Variants in NFIA observed in about 807,000 individuals in gnomAD.
NFIA encodes nuclear factor I A.
Under a neutral mutation model 62.8 loss-of-function variants are expected in NFIA, and 8 were observed. That is an observed-to-expected ratio of 0.13 (90% confidence interval 0.07 to 0.23). NFIA has a LOEUF of 0.23. NFIA is among the 10% of genes least tolerant of loss of function. NFIA has a pLI of 1.00. For synonymous variants in NFIA, 235 were observed against 238.1 expected, an observed-to-expected ratio of 0.99 and a Z score of 0.12; for missense variants, 410 against 642.1, an observed-to-expected ratio of 0.64 and a Z score of 3.91.
At chr1:61,363,736 A>G (rs1247871411) in intron 6 of NFIA, among the ~76,000 whole-genome samples, 3 of 152,186 alleles carry the variant, frequency 2.0e-5, no homozygotes, top group Admixed American at 6.5e-5. Flanking sequence ...TTAAATATAC[A>G]TAGGACACAA....
At chr1:61,292,339 G>C (rs2806428) in intron 3 of NFIA, among the ~76,000 whole-genome samples, 120,021 of 152,082 alleles carry the variant, frequency 0.79, 47,513 homozygotes, top group East Asian at 0.91. Context: ...TGAATGAATG[G>C]GTAAATGAAT....
chr1:61,206,016 A>T (rs1652875583), intron 2 of NFIA, among the ~76,000 whole-genome samples: 1 of 149,672 alleles, frequency 6.7e-6, no homozygotes, highest in Non-Finnish European at 1.5e-5. Context: ...CCCTGGCTCA[A>T]CTGATCCTCC....
chr1:61,312,690 A>G (rs750579003), intron 3 of NFIA, among the ~76,000 whole-genome samples: 1 of 151,206 alleles, frequency 6.6e-6, no homozygotes, highest in Non-Finnish European at 1.5e-5. Flanking sequence ...TTATTTTTTT[A>G]TTTTTTAGAG....
chr1:61,280,811 C>G (rs1307168050), intron 3 of NFIA, among the ~76,000 whole-genome samples: 1 of 152,164 alleles, frequency 6.6e-6, no homozygotes, highest in Non-Finnish European at 1.5e-5. Context: ...ATCAGAAGCT[C>G]TGAAACTCAA....
intron 7 of NFIA, among the ~76,000 whole-genome samples, chr1:61,387,237 CTCATCTCTAAGTTAGAGATTA>C (rs373647313): frequency 1.9e-4 from 29 of 152,076 alleles, no homozygotes; most frequent in African/African-American, 5.1e-4. Flanking sequence ...CCAAAGGTTT[CTCATCTCTAAGTTAGAGATTA>C]TCATCTCTAA....
chr1:61,427,988 C>T (rs543917734), intron 10 of NFIA, among the ~76,000 whole-genome samples: 11 of 152,210 alleles, frequency 7.2e-5, no homozygotes, highest in Non-Finnish European at 1.3e-4. Flanking sequence ...GTACATTTGG[C>T]GTAAGTGTCC....
chr1:61,401,596 A>C (rs1665559319), intron 7 of NFIA, among the ~76,000 whole-genome samples: 1 of 152,074 alleles, frequency 6.6e-6, no homozygotes, highest in Admixed American at 6.5e-5. Flanking sequence ...CCGTGATTTC[A>C]TAATCTAACA....
chr1:61,240,371 C>T (rs1164178424), intron 2 of NFIA, among the ~76,000 whole-genome samples: 1 of 151,970 alleles, frequency 6.6e-6, no homozygotes, highest in Non-Finnish European at 1.5e-5. Context: ...AAATAACAGT[C>T]ATTATTTAAT....
chr1:61,357,408 G>A (rs992092976), intron 5 of NFIA, among the ~76,000 whole-genome samples: 3 of 152,202 alleles, frequency 2.0e-5, no homozygotes, highest in African/African-American at 7.2e-5. Flanking sequence ...TGGAAGAAAT[G>A]TATGGAGTTT....
At chr1:61,298,696 C>G (rs1424832658) in intron 3 of NFIA, among the ~76,000 whole-genome samples, 2 of 152,112 alleles carry the variant, frequency 1.3e-5, no homozygotes, top group Admixed American at 6.6e-5. Flanking sequence ...TACTACCTAC[C>G]TCATGGCTGT....
chr1:61,265,768 A>C (rs6684051), intron 2 of NFIA, among the ~76,000 whole-genome samples: 16,936 of 152,264 alleles, frequency 0.11, 1,104 homozygotes, highest in African/African-American at 0.18. Flanking sequence ...GTTTTCTGGA[A>C]GACCCGATGG....
intron 2 of NFIA, among the ~76,000 whole-genome samples, chr1:61,124,198 C>T (rs999872965): frequency 6.6e-6 from 1 of 152,202 alleles, no homozygotes; most frequent in Non-Finnish European, 1.5e-5. Flanking sequence ...CGTTCAGCTT[C>T]TTGGCCTTCA....
intron 2 of NFIA, among the ~76,000 whole-genome samples, chr1:61,103,314 A>G (rs1280332548): frequency 6.6e-6 from 1 of 152,064 alleles, no homozygotes; most frequent in Non-Finnish European, 1.5e-5. Context: ...GTCCTCACCC[A>G]CCTTTACTTG....
At chr1:61,240,466 A>G (rs571227205) in intron 2 of NFIA, among the ~76,000 whole-genome samples, 1 of 152,234 alleles carries the variant, frequency 6.6e-6, no homozygotes, top group African/African-American at 2.4e-5. Context: ...CTATAAGAGT[A>G]GGTTCACAGG....
chr1:61,407,899 T>A (rs1665925682), intron 9 of NFIA, among the ~76,000 whole-genome samples: 1 of 152,160 alleles, frequency 6.6e-6, no homozygotes, highest in South Asian at 2.1e-4. Flanking sequence ...ATGAAGATTC[T>A]AGGCCTCTCA....
intron 10 of NFIA, among the ~76,000 whole-genome samples, chr1:61,442,148 G>A (rs1350878262): frequency 1.3e-5 from 2 of 152,140 alleles, no homozygotes; most frequent in Non-Finnish European, 2.9e-5. Context: ...GACGAGGGAT[G>A]CCAGGCACTG....
At chr1:61,133,870 G>A (rs60479049) in intron 2 of NFIA, among the ~76,000 whole-genome samples, 10,567 of 151,784 alleles carry the variant, frequency 0.07, 876 homozygotes, top group East Asian at 0.35. Flanking sequence ...GGCTGGGTGC[G>A]GTGGCTCACA....
chr1:61,406,977 T>C (rs1665871152), intron 9 of NFIA, among the ~76,000 whole-genome samples: 1 of 152,230 alleles, frequency 6.6e-6, no homozygotes, highest in Non-Finnish European at 1.5e-5. Flanking sequence ...AGTCAAGTTA[T>C]GAGCTATTAC....
chr1:61,334,974 T>C (rs959971951), intron 4 of NFIA, among the ~76,000 whole-genome samples: 1 of 152,168 alleles, frequency 6.6e-6, no homozygotes, highest in Admixed American at 6.5e-5. Context: ...AAATGAATTC[T>C]AAACCTGCCT....
Sources: gnomAD v4.1 joint callset for allele counts (sites outside exome capture counted in the v4.1 genomes callset) on GRCh38, gnomAD v4.1.1 for gene constraint, MANE v1.5 for transcripts, NCBI Gene and HGNC (gene_info 2026-07-23, HGNC 2026-07-21) for gene names.